Variants in DTHD1 observed in about 807,000 individuals in gnomAD.
The protein encoded by DTHD1 is death domain-containing protein 1.
In DTHD1, 59 loss-of-function variants were observed where a neutral mutation model predicts 74.8. The observed-to-expected ratio is 0.79, with a 90% CI of 0.64 to 0.98. DTHD1 has a LOEUF of 0.98. Among genes scored for constraint, DTHD1 ranks in the 50% least tolerant of loss-of-function variants. The probability of loss-of-function intolerance (pLI) is 0.00; values close to 1 mark genes in which losing one functional copy is unlikely to be tolerated. For missense variants in DTHD1, 1,051 were observed against 1,065.4 expected, an observed-to-expected ratio of 0.99 and a Z score of 0.19; for synonymous variants, 365 against 371.1, an observed-to-expected ratio of 0.98 and a Z score of 0.19.
intron 7 of DTHD1, among the ~76,000 whole-genome samples, chr4:36,312,281 A>G (rs1033604354): frequency 6.6e-6 from 1 of 151,528 alleles, no homozygotes; most frequent in African/African-American, 2.4e-5. Flanking sequence ...GTTGCCCTGA[A>G]TGCCCTTTGG....
At position 36,308,375 on chromosome 4, in the gene DTHD1, G is replaced by A. The variant is rs753137234; in HGVS notation, c.1977G>A (p.Gln659=). Residue 659 remains glutamine (Q), a synonymous_variant, in exon 7 of 10, where the codon CAG becomes CAA. Coordinates refer to ENST00000639862, the MANE Select transcript of DTHD1 (RefSeq NM_001170700.3). The part of the protein sequence containing the change: ...VLVVPSKDLS[Q]VLKDLHLEGF... ...TGGTGCCTTCCAAAGATTTAAGCCA[G>A]GTGCTTAAGGACCTGCACTTGGAAG... 2 of 1,551,792 alleles carry A rather than the reference G, an allele frequency of 1.3e-6. No homozygotes were observed. The highest frequency in any genetic ancestry group is 2.4e-5 in the East Asian group (1 of 40,922).
chr4:36,322,268 G>C (rs952553021), intron 8 of DTHD1, among the ~76,000 whole-genome samples: 1 of 152,158 alleles, frequency 6.6e-6, no homozygotes, highest in African/African-American at 2.4e-5. Context: ...CAAGTACCTA[G>C]AATGGTGTCA....
intron 5 of DTHD1, among the ~76,000 whole-genome samples, chr4:36,298,043 AC>A (rs1390544154): frequency 1.3e-5 from 2 of 151,486 alleles, no homozygotes; most frequent in Non-Finnish European, 2.9e-5. Context: ...AGAATAAGCC[AC>A]TTTTTTTTTG....
intron 5 of DTHD1, among the ~76,000 whole-genome samples, chr4:36,305,984 T>G (rs1308776141): frequency 1.3e-5 from 2 of 152,198 alleles, no homozygotes; most frequent in East Asian, 3.8e-4. Flanking sequence ...TGTGCTGTAA[T>G]CAGATAATAC....
At chr4:36,309,274 C>A (rs1318602953) in intron 7 of DTHD1, among the ~76,000 whole-genome samples, 1 of 152,036 alleles carries the variant, frequency 6.6e-6, no homozygotes, top group African/African-American at 2.4e-5. Context: ...CGTCTCTATT[C>A]AAAATACACA....
rs572182967 is a variant in DTHD1, at chr4:36,295,430, G to C, written c.1643+391G>C. On this transcript the variant is annotated intron_variant, in intron 5 of 9. Coordinates refer to ENST00000639862, the MANE Select transcript of DTHD1 (RefSeq NM_001170700.3). The stretch of plus-strand genomic sequence containing the variant: ...ACAATTGAATCAGATATTATGCAAA[G>C]GGATCTCGTCTCTAGAGTCAAGAAA... Among the ~76,000 whole-genome samples the C allele has an allele frequency of 3.9e-5, 6 of 152,160 alleles. No individual in the cohort carries two copies. The East Asian group carries it at 9.6e-4, about 24-fold the overall frequency.
chr4:36,310,569 T>C (rs189162524), intron 7 of DTHD1, among the ~76,000 whole-genome samples: 2 of 152,180 alleles, frequency 1.3e-5, no homozygotes, highest in East Asian at 3.9e-4. Flanking sequence ...TGAGGGGATG[T>C]GCTCCGTTTA....
At chr4:36,303,951 A>G (rs78451716) in intron 5 of DTHD1, among the ~76,000 whole-genome samples, 2,286 of 152,240 alleles carry the variant, frequency 0.015, 48 homozygotes, top group African/African-American at 0.052. Context: ...ATTTTTTTTC[A>G]TTCACATCAT....
intron 5 of DTHD1, among the ~76,000 whole-genome samples, chr4:36,302,635 A>T (rs922867555): frequency 2.0e-5 from 3 of 152,216 alleles, no homozygotes; most frequent in Admixed American, 6.5e-5. Context: ...GACAAATAAC[A>T]ATCCATGTAG....
At chr4:36,290,065 A>G (rs916292308) in intron 2 of DTHD1, among the ~76,000 whole-genome samples, 6 of 152,216 alleles carry the variant, frequency 3.9e-5, no homozygotes, top group Admixed American at 3.9e-4. Context: ...AACAATAGTA[A>G]CAAAAGTAAT....
In DTHD1 at chr4:36,316,269, A is replaced by G. The variant is rs775006590; in HGVS notation, c.2123A>G (p.Tyr708Cys). 5 of 1,551,586 alleles carry G rather than the reference A, an allele frequency of 3.2e-6. No homozygotes were observed. The highest frequency in any genetic ancestry group is 2.0e-5 in the Admixed American group (1 of 50,988). The change falls in exon 8 of 10, where the codon TAC becomes TGC. Residue 708 changes from tyrosine to cysteine, a missense_variant. Tyr to Cys is a radical substitution (Grantham distance 194, BLOSUM62 -2). Coordinates refer to ENST00000639862, the MANE Select transcript of DTHD1 (RefSeq NM_001170700.3). ...AACGGGAAGGATTATGGAAAAGACT[A>G]CACACTTATTTTTCACTTGCAAAGA... ...SSNGKDYGKDYTLIFHLQRKP... is the reference protein window; with the variant it reads ...SSNGKDYGKDCTLIFHLQRKP...
intron 6 of DTHD1, among the ~76,000 whole-genome samples, 170 bp downstream of exon 6, chr4:36,306,522 T>A (rs1285801162): frequency 6.6e-6 from 1 of 152,256 alleles, no homozygotes. Context: ...GTATGCTATC[T>A]GTAATTTCAT....
In DTHD1 at chr4:36,347,205, C is replaced by T. The variant is rs1035437925; in HGVS notation, c.*3381C>T. Among the ~76,000 whole-genome samples, 3 of 152,002 alleles carry T rather than the reference C, an allele frequency of 2.0e-5. No individual in the cohort carries two copies. The highest frequency in any genetic ancestry group is 2.9e-5 in the Non-Finnish European group (2 of 68,006). On this transcript the variant is annotated 3_prime_UTR_variant, in exon 10 of 10. Coordinates refer to ENST00000639862, the MANE Select transcript of DTHD1 (RefSeq NM_001170700.3). ...GACTGTATAATATCCTATTTCATAA[C>T]CATAGCACAATTAATTTTAGTATAA...
rs1181971271 is a variant in DTHD1, at chr4:36,316,404, T to A, written c.2258T>A (p.Val753Asp). The A allele has an allele frequency of 6.4e-7, 1 of 1,552,070 alleles. No homozygotes were observed. Among genetic ancestry groups the A allele is most frequent in the Non-Finnish European group, 8.7e-7 (1 of 1,147,068 alleles). ...VVYKVPKGKI[V>D]PNLNQSLVIN... ...TATAAAGTACCTAAAGGAAAGATAG[T>A]CCCCAACTTGAATCAATCTCTCGTA... The change falls in exon 8 of 10, where the codon GTC becomes GAC. Residue 753 changes from valine to aspartate, a missense_variant. Val to Asp is a radical substitution (Grantham distance 152, BLOSUM62 -3). Transcript: ENST00000639862.
chr4:36,325,458 C>T (rs960449724), intron 8 of DTHD1, among the ~76,000 whole-genome samples: 3 of 152,090 alleles, frequency 2.0e-5, no homozygotes, highest in East Asian at 1.9e-4. Flanking sequence ...AACATTACTA[C>T]GACAGCCTAT....
Position 36,290,628 on chromosome 4 carries a change from G to A in DTHD1, c.1143G>A (p.Val381=), listed in dbSNP as rs1338475076. 6.5e-7 allele frequency: 1 copy of A among 1,549,198 alleles called. No homozygotes were observed. Among genetic ancestry groups the A allele is most frequent in the Admixed American group, 2.0e-5 (1 of 50,998 alleles). Residue 381 remains valine, a synonymous_variant, in exon 3 of 10, where the codon GTG becomes GTA. Coordinates refer to ENST00000639862, the MANE Select transcript of DTHD1 (RefSeq NM_001170700.3). The part of the protein sequence containing the change: ...RYRGNYRDIM[V]KVCDINLQSS... ...GAGGAAATTACAGAGATATCATGGT[G>A]AAAGTGTGTGACATAAACCTTCAAT...
chr4:36,301,726 C>T (rs998735799), intron 5 of DTHD1, among the ~76,000 whole-genome samples: 1 of 152,090 alleles, frequency 6.6e-6, no homozygotes, highest in East Asian at 1.9e-4. Flanking sequence ...CTGATCGTCC[C>T]TAGGAATACA....
chr4:36,341,454 A>G (rs946986364), intron 9 of DTHD1, among the ~76,000 whole-genome samples: 1 of 152,192 alleles, frequency 6.6e-6, no homozygotes, highest in Non-Finnish European at 1.5e-5. Flanking sequence ...AAAGTAGGAG[A>G]AGCAGACATG....
intron 7 of DTHD1, among the ~76,000 whole-genome samples, chr4:36,315,289 T>C (rs572111803): frequency 1.3e-5 from 2 of 152,354 alleles, no homozygotes; most frequent in Admixed American, 6.5e-5. Flanking sequence ...ATAAAACATT[T>C]ATATATTATC....
Sources: allele counts gnomAD v4.1 joint callset (sites outside exome capture counted in the v4.1 genomes callset), GRCh38; gene constraint gnomAD v4.1.1; transcripts MANE v1.5; gene names NCBI Gene and HGNC (gene_info 2026-07-23, HGNC 2026-07-21).